CPNE4: variants seen among roughly 807,000 people sequenced by gnomAD.
CPNE4 encodes copine 4.
A neutral mutation model predicts 67.9 loss-of-function variants in CPNE4; 25 were observed. The ratio of observed to expected loss-of-function variants is 0.37; its 90% CI spans 0.27 to 0.51. The LOEUF (loss-of-function observed/expected upper bound fraction) is 0.51, where lower values mean the gene tolerates loss of function less well. CPNE4 is among the 20% of genes least tolerant of loss of function. CPNE4 has a pLI of 0.93. For synonymous variants in CPNE4, 242 were observed against 244.9 expected (o/e 0.99, Z 0.11); for missense variants, 464 against 690.8 (o/e 0.67, Z 3.68).
intron 1 of CPNE4, among the ~76,000 whole-genome samples, chr3:131,940,215 G>T (rs1359890994): frequency 6.6e-6 from 1 of 152,020 alleles, no homozygotes; most frequent in East Asian, 1.9e-4. Flanking sequence ...ATGAAACTTT[G>T]TTTCCAACAA....
At chr3:131,984,582 G>C (rs911637919) in intron 1 of CPNE4, among the ~76,000 whole-genome samples, 9 of 152,158 alleles carry the variant, frequency 5.9e-5, no homozygotes, top group African/African-American at 2.2e-4. Flanking sequence ...AGCTACTATA[G>C]ATATCAGTGC....
At chr3:132,013,854 G>A (rs1327391449) in intron 1 of CPNE4, among the ~76,000 whole-genome samples, 1 of 152,138 alleles carries the variant, frequency 6.6e-6, no homozygotes, top group African/African-American at 2.4e-5. Context: ...TAGAGGTGGT[G>A]GATCCCAGAT....
chr3:131,919,788 C>G (rs1468535230), intron 1 of CPNE4, among the ~76,000 whole-genome samples: 2 of 152,090 alleles, frequency 1.3e-5, no homozygotes, highest in South Asian at 2.1e-4. Flanking sequence ...GACCAACACC[C>G]TTTTAGATTA....
At chr3:131,919,131 A>G (rs1296981618) in intron 1 of CPNE4, among the ~76,000 whole-genome samples, 1 of 152,004 alleles carries the variant, frequency 6.6e-6, no homozygotes, top group Non-Finnish European at 1.5e-5. Context: ...AACTTAAGTC[A>G]GGTATATCAA....
intron 1 of CPNE4, among the ~76,000 whole-genome samples, chr3:131,934,377 T>G (rs559329319): frequency 1.6e-4 from 25 of 152,172 alleles, no homozygotes; most frequent in Non-Finnish European, 3.5e-4. Context: ...ATGTTTGTTA[T>G]AAAATGTCAC....
intron 5 of CPNE4, among the ~76,000 whole-genome samples, chr3:131,686,401 ATC>A (rs2080890831): frequency 6.6e-6 from 1 of 152,180 alleles, no homozygotes; most frequent in African/African-American, 2.4e-5. Context: ...TATTTTTATT[ATC>A]TCTTTCTTAG....
chr3:131,666,556 G>A (rs4854773), intron 7 of CPNE4, among the ~76,000 whole-genome samples: 50,159 of 152,024 alleles, frequency 0.33, 8,639 homozygotes, highest in African/African-American at 0.4. Flanking sequence ...CCAACTTGAA[G>A]AAGCTTTTAT....
chr3:131,618,665 C>T (rs1940297335), intron 7 of CPNE4, among the ~76,000 whole-genome samples: 1 of 152,114 alleles, frequency 6.6e-6, no homozygotes, highest in African/African-American at 2.4e-5. Context: ...TCCATTACCA[C>T]TCAAGATTAG....
intron 5 of CPNE4, among the ~76,000 whole-genome samples, chr3:131,687,093 T>C (rs1464984609): frequency 3.9e-5 from 6 of 151,994 alleles, no homozygotes; most frequent in African/African-American, 1.5e-4. Flanking sequence ...GTTTCTCTTC[T>C]GTCCAGTTTC....
rs150447761 is a variant in CPNE4, at chr3:131,854,800, C to A, written c.180+50464G>T. 9.1e-3 allele frequency among the ~76,000 whole-genome samples: 1,379 copies of A among 151,220 alleles called. 10 individuals carry two copies. Among genetic ancestry groups the A allele is most frequent in the Non-Finnish European group, 0.015 (987 of 67,458 alleles). The stretch of plus-strand genomic sequence containing the variant: ...CTCCTCTTTCATTACTCCCCACCCT[C>A]CTCCTCCTCCTCCTTCTCTCCCTCC... On this transcript the variant is annotated intron_variant, in intron 2 of 15. Transcript: ENST00000429747.
intron 1 of CPNE4, among the ~76,000 whole-genome samples, chr3:131,908,542 G>A (rs1312564025): frequency 6.6e-6 from 1 of 151,996 alleles, no homozygotes. Flanking sequence ...AGCTTTCACT[G>A]GCCTCTCCTA....
intron 2 of CPNE4, among the ~76,000 whole-genome samples, chr3:131,884,824 C>T (rs1300605202): frequency 2.0e-5 from 3 of 152,168 alleles, no homozygotes; most frequent in African/African-American, 7.2e-5. Context: ...TAAGATGTGA[C>T]TTGTTCCTCC....
chr3:131,629,729 G>A lies in CPNE4; in HGVS notation c.681+39946C>T, dbSNP rs114135481. On this transcript the variant is annotated intron_variant, in intron 7 of 15. Coordinates refer to ENST00000429747, the MANE Select transcript of CPNE4 (RefSeq NM_130808.3). ...CAAAGTGCTAGGATTACAGGTGGGA[G>A]CCACTGTGCCTGGTCAATAGTGTAA... Among the ~76,000 whole-genome samples, 1,317 of 152,236 alleles carry A rather than the reference G, an allele frequency of 8.7e-3. 17 individuals are homozygous for A. The highest frequency in any genetic ancestry group is 0.03 in the African/African-American group (1,265 of 41,538).
chr3:131,946,786 T>A (rs549514231), intron 1 of CPNE4, among the ~76,000 whole-genome samples: 7 of 152,230 alleles, frequency 4.6e-5, no homozygotes, highest in Non-Finnish European at 7.3e-5. Context: ...GTGTCAAATC[T>A]AAGCATTCAT....
intron 2 of CPNE4, among the ~76,000 whole-genome samples, chr3:131,810,012 GGAGGAC>G (rs2084462525): frequency 6.6e-6 from 1 of 151,950 alleles, no homozygotes; most frequent in Admixed American, 6.6e-5. Flanking sequence ...ATCAAGAAGA[GGAGGAC>G]GAGGAGGAGG....
At chr3:131,957,671 G>A (rs1374323136) in intron 1 of CPNE4, among the ~76,000 whole-genome samples, 3 of 152,220 alleles carry the variant, frequency 2.0e-5, no homozygotes, top group Non-Finnish European at 4.4e-5. Flanking sequence ...CCAAGTATTC[G>A]TTCAGATCCT....
intron 2 of CPNE4, among the ~76,000 whole-genome samples, chr3:131,856,340 C>G (rs1285874898): frequency 6.6e-6 from 1 of 151,752 alleles, no homozygotes; most frequent in African/African-American, 2.4e-5. Context: ...CCTCAGCCTC[C>G]CAAAGTGCTA....
intron 4 of CPNE4, among the ~76,000 whole-genome samples, chr3:131,696,866 C>A (rs1233649392): frequency 6.6e-6 from 1 of 152,040 alleles, no homozygotes; most frequent in African/African-American, 2.4e-5. Flanking sequence ...GGGACCCAAG[C>A]TGAAGGAAAA....
At chr3:132,033,101 T>C (rs1447544961) in intron 1 of CPNE4, among the ~76,000 whole-genome samples, 1 of 152,246 alleles carries the variant, frequency 6.6e-6, no homozygotes, top group Non-Finnish European at 1.5e-5. Flanking sequence ...ACACTTTATT[T>C]GAAGTTAAGG....
Sources: gnomAD v4.1 joint callset for allele counts (sites outside exome capture counted in the v4.1 genomes callset) on GRCh38, gnomAD v4.1.1 for gene constraint, MANE v1.5 for transcripts, NCBI Gene and HGNC (gene_info 2026-07-23, HGNC 2026-07-21) for gene names.